The following DOCK11 variants were observed in gnomAD, a reference collection of about 807,000 sequenced individuals.
The protein encoded by DOCK11 is dedicator of cytokinesis 11.
A neutral mutation model predicts 169.1 loss-of-function variants in DOCK11; 70 were observed. That is an observed-to-expected ratio of 0.41 (90% CI 0.34 to 0.51). DOCK11 has a LOEUF of 0.51. DOCK11 is among the 20% of genes least tolerant of loss of function. The pLI, the probability that DOCK11 is intolerant of heterozygous loss-of-function variation, is 0.10. For missense variants in DOCK11, 1,166 were observed against 1,538.8 expected (o/e 0.76, Z 4.05); for synonymous variants, 529 against 541.3 (o/e 0.98, Z 0.32).
chrX:118,644,872 G>A (rs1440136956), intron 40 of DOCK11, among the ~76,000 whole-genome samples: 1 of 111,727 alleles, frequency 9.0e-6, no homozygotes, highest in Non-Finnish European at 1.9e-5. Context: ...GAGGGAATTG[G>A]TAAGGACTGG....
In DOCK11 at chrX:118,673,708, A is replaced by G. The variant is rs941388676; in HGVS notation, c.5200-2228A>G. Among the ~76,000 whole-genome samples the G allele has an allele frequency of 8.1e-5, 9 of 111,054 alleles. 1 individual carries two copies. The highest frequency in any genetic ancestry group is 3.8e-4 in the South Asian group (1 of 2,626). ...AACCATTTTAAAGTATAGAAATCCT[A>G]TTATCCTATCATTCTCAATATGCAC... On this transcript the variant is annotated intron_variant, in intron 46 of 52. Transcript: ENST00000276202.
At chrX:118,608,752 T>C (rs1393953265) in intron 26 of DOCK11, among the ~76,000 whole-genome samples, 3 of 111,648 alleles carry the variant, frequency 2.7e-5, no homozygotes, top group Non-Finnish European at 5.6e-5. Flanking sequence ...CTCTTATTAT[T>C]GTCATTATTT....
Position 118,654,934 on chromosome X carries a change from C to T in DOCK11, c.4942C>T (p.Leu1648=), listed in dbSNP as rs1225643849. The T allele has an allele frequency of 1.7e-6, 2 of 1,208,670 alleles. No individual in the cohort carries two copies. The highest frequency in any genetic ancestry group is 2.2e-6 in the Non-Finnish European group (2 of 892,930). ...GATGTGTTATGTCCATGTAGCAGCT[C>T]TAGTTGCAGAGTTTCTTCATCGAAA... ...AAMCYVHVAA[L]VAEFLHRKKL... is the part of the protein sequence containing the mutation. The change falls in exon 44 of 53, where the codon CTA becomes TTA. Residue 1648 remains leucine, a synonymous_variant. Coordinates refer to ENST00000276202, the MANE Select transcript of DOCK11 (RefSeq NM_144658.4).
chrX:118,590,498 A>G (rs1396907893), intron 19 of DOCK11, among the ~76,000 whole-genome samples, 196 bp downstream of exon 19: 4 of 111,132 alleles, frequency 3.6e-5, no homozygotes, highest in Non-Finnish European at 7.5e-5. Context: ...TTACCCCCCA[A>G]TTTAAGGGGC....
At chrX:118,543,121 T>G in intron 3 of DOCK11, 106 bp downstream of exon 3, 1 of 585,548 alleles carries the variant, frequency 1.7e-6, no homozygotes, top group Non-Finnish European at 2.6e-6. Flanking sequence ...TACATAAATG[T>G]AAAATATTTA....
At chrX:118,565,075 A>G (rs1183651026) in intron 7 of DOCK11, among the ~76,000 whole-genome samples, 1 of 107,481 alleles carries the variant, frequency 9.3e-6, no homozygotes, top group Non-Finnish European at 1.9e-5. Flanking sequence ...AGCTGGGACT[A>G]CAGCCATGCG....
chrX:118,605,286 A>T lies in DOCK11; in HGVS notation c.2611A>T (p.Ile871Phe). 2 of 1,202,916 alleles carry T rather than the reference A, an allele frequency of 1.7e-6. No individual in the cohort carries two copies. The highest frequency in any genetic ancestry group is 2.2e-6 in the Non-Finnish European group (2 of 892,355). ...IQVMIQFLPV[I>F]LMQLFRVLTN... ...AGTCATGATACAGTTTCTACCTGTA[A>T]TTCTTATGCAACTCTTCCGAGTTCT... is the stretch of plus-strand genomic sequence containing the variant. The change falls in exon 24 of 53, where the codon ATT (isoleucine) becomes TTT (phenylalanine). Residue 871 changes from isoleucine to phenylalanine, a missense_variant. By Grantham distance (21) the Ile-to-Phe change is conservative (BLOSUM62 0). Transcript: ENST00000276202.
At chrX:118,662,610 C>T in intron 44 of DOCK11, 76 bp from the exon 45 acceptor site, 4 of 505,651 alleles carry the variant, frequency 7.9e-6, no homozygotes, top group Non-Finnish European at 1.0e-5. Context: ...TTAAATAGCC[C>T]ATCTCTGTAA....
chrX:118,626,934 T>C (rs1411331228), intron 32 of DOCK11, among the ~76,000 whole-genome samples: 1 of 112,677 alleles, frequency 8.9e-6, no homozygotes, highest in African/African-American at 3.2e-5. Context: ...CTGAATCATG[T>C]TAAGACTTTA....
Position 118,683,122 on chromosome X carries a change from C to T in DOCK11, c.6007C>T (p.Arg2003Trp), listed in dbSNP as rs1469720834. 5.0e-6 allele frequency: 6 copies of T among 1,208,200 alleles called. No individual in the cohort carries two copies. In the South Asian group the frequency reaches 7.1e-5, roughly 14 times the overall value. Reference sequence around the variant, plus strand: ...CAGCATTGCACTTGAACTAAATGAGCGGCTAATTAAAGAAGATCAAGTTGA... The same window carrying T: ...CAGCATTGCACTTGAACTAAATGAGTGGCTAATTAAAGAAGATCAAGTTGA... ...ACSIALELNE[R>W]LIKEDQVEYH... The change falls in exon 52 of 53, where the codon CGG (arginine) becomes TGG (tryptophan). Residue 2003 changes from arginine (R) to tryptophan (W), a missense_variant. Coordinates refer to ENST00000276202, the MANE Select transcript of DOCK11 (RefSeq NM_144658.4).
At chrX:118,648,599 ATATAT>A (rs1379673140) in intron 40 of DOCK11, among the ~76,000 whole-genome samples, 1 of 98,949 alleles carries the variant, frequency 1.0e-5, no homozygotes, top group Non-Finnish European at 2.0e-5. Context: ...AATATATATA[ATATAT>A]TAATATATAA....
chrX:118,631,774 C>T (rs1362062639), intron 35 of DOCK11, among the ~76,000 whole-genome samples: 1 of 110,779 alleles, frequency 9.0e-6, no homozygotes, highest in Non-Finnish European at 1.9e-5. Flanking sequence ...AATACCACCA[C>T]AGCCCAAAGA....
chrX:118,519,711 T>G (rs1263071245), intron 1 of DOCK11, among the ~76,000 whole-genome samples: 2 of 112,128 alleles, frequency 1.8e-5, no homozygotes, highest in African/African-American at 6.5e-5. Flanking sequence ...AAATCAAATT[T>G]GGGCAAATCA....
chrX:118,638,499 C>A (rs1441354425), intron 37 of DOCK11, among the ~76,000 whole-genome samples: 1 of 111,817 alleles, frequency 8.9e-6, no homozygotes, highest in Non-Finnish European at 1.9e-5. Context: ...TAGAAATCCC[C>A]AACAGCAATT....
chrX:118,568,743 G>A (rs193216757), intron 10 of DOCK11, among the ~76,000 whole-genome samples: 49 of 110,264 alleles, frequency 4.4e-4, no homozygotes, highest in African/African-American at 1.4e-3. Context: ...GTGTTTTGTA[G>A]TAAGATATAT....
Position 118,515,661 on chromosome X carries a change from G to A in DOCK11, c.102+19588G>A, listed in dbSNP as rs777919696. Among the ~76,000 whole-genome samples, 104 of 110,396 alleles carry A rather than the reference G, an allele frequency of 9.4e-4. 2 individuals are homozygous for A. The highest frequency in any genetic ancestry group is 3.3e-3 in the African/African-American group (101 of 30,260). ...CTGTGTGTTCTTAGGTTTTAGAGAGGATTGATATCAGTACTTTCATTTTAG... is the reference window on the plus strand; with the variant it reads ...CTGTGTGTTCTTAGGTTTTAGAGAGAATTGATATCAGTACTTTCATTTTAG... On this transcript the variant is annotated intron_variant, in intron 1 of 52. Transcript: ENST00000276202.
rs569024187 is a variant in DOCK11 at position 118,608,663 on chromosome X, C to G, written c.2877+307C>G. Among the ~76,000 whole-genome samples the G allele has an allele frequency of 1.5e-3, 171 of 111,979 alleles. 1 individual carries two copies. Among genetic ancestry groups the G allele is most frequent in the African/African-American group, 5.2e-3 (161 of 30,826 alleles). ...CAGGTATTTAACATTTCTGAGCCTC[C>G]AAGTCCTCATTTCTAAAATACAAGT... On this transcript the variant is annotated intron_variant, in intron 26 of 52. Transcript: ENST00000276202.
chrX:118,674,587 G>A (rs1014015212), intron 46 of DOCK11, among the ~76,000 whole-genome samples: 1 of 112,188 alleles, frequency 8.9e-6, no homozygotes, highest in Non-Finnish European at 1.9e-5. Flanking sequence ...CATTTGGGTT[G>A]TTTCACCTTT....
At chrX:118,578,967 G>T (rs1415525355) in intron 13 of DOCK11, among the ~76,000 whole-genome samples, 1 of 111,817 alleles carries the variant, frequency 8.9e-6, no homozygotes. Context: ...TCTCAGAGCT[G>T]GGAGATTAAA....
Sources: allele counts gnomAD v4.1 joint callset (sites outside exome capture counted in the v4.1 genomes callset), GRCh38; gene constraint gnomAD v4.1.1; transcripts MANE v1.5; gene names NCBI Gene and HGNC (gene_info 2026-07-23, HGNC 2026-07-21).